The following ACOT7 variants were observed in gnomAD, a reference collection of about 807,000 sequenced individuals.
The protein encoded by ACOT7 is cytosolic acyl coenzyme A thioester hydrolase.
In ACOT7, 12 loss-of-function variants were observed where a neutral mutation model predicts 40.2. That is an observed-to-expected ratio of 0.30 (90% CI 0.19 to 0.48). ACOT7 has a LOEUF of 0.48. Among genes scored for constraint, ACOT7 ranks in the 20% least tolerant of loss-of-function variants. ACOT7 has a pLI of 0.99. For missense variants in ACOT7, 395 were observed against 530.8 expected (o/e 0.74, Z 2.51); for synonymous variants, 228 against 219.5 (o/e 1.04, Z -0.34).
chr1:6,371,220 T>C (rs1642127600), intron 1 of ACOT7, among the ~76,000 whole-genome samples: 1 of 152,214 alleles, frequency 6.6e-6, no homozygotes, highest in Non-Finnish European at 1.5e-5. Context: ...ATCCAGGATT[T>C]GTTGTTCCAT....
At chr1:6,328,963 C>T (rs1640881908) in intron 4 of ACOT7, among the ~76,000 whole-genome samples, 1 of 152,236 alleles carries the variant, frequency 6.6e-6, no homozygotes. Context: ...GGCCGACTAC[C>T]ACCTGGCTGT....
chr1:6,315,078 C>T (rs561165983), intron 6 of ACOT7, among the ~76,000 whole-genome samples: 2 of 152,188 alleles, frequency 1.3e-5, no homozygotes, highest in South Asian at 2.1e-4. Flanking sequence ...GGGAGCACTG[C>T]GTTCTCCCTG....
At chr1:6,353,094 T>A (rs72858382) in intron 1 of ACOT7, among the ~76,000 whole-genome samples, 11,809 of 151,938 alleles carry the variant, frequency 0.078, 1,080 homozygotes, top group African/African-American at 0.22. Context: ...GCCCAGGCTG[T>A]CTCAAATTCC....
chr1:6,316,126 A>G (rs1640486559), intron 6 of ACOT7, among the ~76,000 whole-genome samples: 1 of 152,208 alleles, frequency 6.6e-6, no homozygotes, highest in African/African-American at 2.4e-5. Flanking sequence ...AGTAAGCAGA[A>G]CTCATAGCCC....
intron 1 of ACOT7, among the ~76,000 whole-genome samples, chr1:6,367,629 G>A (rs1470943240): frequency 1.3e-5 from 2 of 152,178 alleles, no homozygotes; most frequent in Non-Finnish European, 2.9e-5. Flanking sequence ...GTTGGCACAC[G>A]GGAATGCTGT....
At chr1:6,283,714 T>A (rs1372235735) in intron 7 of ACOT7, among the ~76,000 whole-genome samples, 1 of 152,242 alleles carries the variant, frequency 6.6e-6, no homozygotes, top group African/African-American at 2.4e-5. Context: ...TTCATAAATG[T>A]CAGGAAAATT....
chr1:6,355,148 C>T lies in ACOT7; in HGVS notation c.144-5282G>A, dbSNP rs1029418184. Among the ~76,000 whole-genome samples the T allele has an allele frequency of 2.0e-5, 3 of 152,146 alleles. No individual in the cohort carries two copies. The highest frequency in any genetic ancestry group is 7.2e-5 in the African/African-American group (3 of 41,426). On this transcript the variant is annotated intron_variant, in intron 1 of 8. Coordinates refer to ENST00000361521, the MANE Select transcript of ACOT7 (RefSeq NM_007274.4). This position sits in a 1 kb window ranked among gnomAD's most constrained non-coding sequence, Gnocchi z 5.0. ...CCCACCGTTCTACCTGTCCCAGCAA[C>T]GCCTGACCCACCCTTTGTGAAGGAC...
rs144849382 is a variant in ACOT7 at position 6,338,243 on chromosome 1, C to A, written c.418+1190G>T. 2.0e-5 allele frequency among the ~76,000 whole-genome samples: 3 copies of A among 152,296 alleles called. No individual in the cohort carries two copies. The highest frequency in any genetic ancestry group is 6.5e-5 in the Admixed American group (1 of 15,306). On this transcript the variant is annotated intron_variant, in intron 3 of 8. Transcript: ENST00000361521. The surrounding 1 kb of genome is among the most constrained non-coding windows in gnomAD (Gnocchi z 4.4). ...GCCATCCCTCCTCTCCAGGAAGGGG[C>A]CAAGGCTCCACCCCCAGCACAGTCG...
chr1:6,387,590 G>A (rs1207239287), intron 1 of ACOT7, among the ~76,000 whole-genome samples: 2 of 152,200 alleles, frequency 1.3e-5, no homozygotes, highest in Admixed American at 6.5e-5. Flanking sequence ...AGGCCAAGGG[G>A]TGGGATGGCA....
At chr1:6,363,836 C>G (rs1641943896) in intron 1 of ACOT7, among the ~76,000 whole-genome samples, 1 of 152,178 alleles carries the variant, frequency 6.6e-6, no homozygotes, top group South Asian at 2.1e-4. Context: ...TCTTTTATCT[C>G]TTTGTCTTGT....
At chr1:6,387,933 TG>T (rs1386916630) in intron 1 of ACOT7, among the ~76,000 whole-genome samples, 1 of 142,128 alleles carries the variant, frequency 7.0e-6, no homozygotes, top group Non-Finnish European at 1.5e-5. Flanking sequence ...TCAGGTTCTT[TG>T]TTTTTTTTTT....
chr1:6,363,701 G>C (rs1455886081), intron 1 of ACOT7, among the ~76,000 whole-genome samples: 1 of 152,048 alleles, frequency 6.6e-6, no homozygotes. Flanking sequence ...CCTATCATTG[G>C]AGATGATTCA....
At chr1:6,267,930 A>G (rs949913132) in intron 8 of ACOT7, among the ~76,000 whole-genome samples, 10 of 152,150 alleles carry the variant, frequency 6.6e-5, no homozygotes, top group Admixed American at 5.2e-4. Flanking sequence ...AGTTGCGGGG[A>G]CCAAATTTCT....
chr1:6,367,533 A>G (rs1642038972), intron 1 of ACOT7, among the ~76,000 whole-genome samples: 1 of 152,202 alleles, frequency 6.6e-6, no homozygotes, highest in South Asian at 2.1e-4. Context: ...CTGCTGCTGC[A>G]GGGCAGGCAG....
intron 1 of ACOT7, among the ~76,000 whole-genome samples, chr1:6,389,774 C>CAAA (rs33955440): frequency 1.1e-5 from 1 of 91,080 alleles, no homozygotes; most frequent in Admixed American, 1.3e-4. Context: ...GACTCCCTCT[C>CAAA]AAAAAAAAAA....
chr1:6,336,880 G>A lies in ACOT7; in HGVS notation c.418+2553C>T, dbSNP rs1409505383. 2.0e-5 allele frequency among the ~76,000 whole-genome samples: 3 copies of A among 152,214 alleles called. No homozygotes were observed. The South Asian group carries it at 6.2e-4, about 32-fold the overall frequency. ...CAGAAGCACAGACGAGGAGATGAGCGAGACAGAGGGGGAGATGAGACTCGC... is the reference window on the plus strand; with the variant it reads ...CAGAAGCACAGACGAGGAGATGAGCAAGACAGAGGGGGAGATGAGACTCGC... On this transcript the variant is annotated intron_variant, in intron 3 of 8. Transcript: ENST00000361521.
chr1:6,331,157 A>C (rs1571314358), intron 4 of ACOT7, among the ~76,000 whole-genome samples: 1 of 152,344 alleles, frequency 6.6e-6, no homozygotes, highest in South Asian at 2.1e-4. Flanking sequence ...CCCCACAAGA[A>C]CAAGAGACGG....
chr1:6,378,291 G>A (rs1165341406), intron 1 of ACOT7, among the ~76,000 whole-genome samples: 5 of 151,820 alleles, frequency 3.3e-5, no homozygotes, highest in Non-Finnish European at 5.9e-5. Flanking sequence ...GCTGGTGGCC[G>A]GGGTGCTCCT....
chr1:6,346,491 GA>G (rs1298817330), intron 2 of ACOT7, among the ~76,000 whole-genome samples: 1 of 152,264 alleles, frequency 6.6e-6, no homozygotes, highest in African/African-American at 2.4e-5. Flanking sequence ...AGAAGAAGCA[GA>G]AAAGCCAATG....
Sources: gnomAD v4.1 joint callset for allele counts (sites outside exome capture counted in the v4.1 genomes callset) on GRCh38, gnomAD v4.1.1 for gene constraint, Gnocchi (gnomAD v3.1) non-coding constraint, MANE v1.5 for transcripts, NCBI Gene and HGNC (gene_info 2026-07-23, HGNC 2026-07-21) for gene names.